The following GRIN1 variants were observed in gnomAD, a reference collection of about 807,000 sequenced individuals.
The protein encoded by GRIN1 is glutamate receptor ionotropic, NMDA 1.
In GRIN1, 38 loss-of-function variants were observed where a neutral mutation model predicts 103.0. The ratio of observed to expected loss-of-function variants is 0.37; its 90% CI spans 0.28 to 0.48. The LOEUF is 0.48. Among genes scored for constraint, GRIN1 ranks in the 20% least tolerant of loss-of-function variants. The probability of loss-of-function intolerance (pLI) is 0.98; values close to 1 mark genes in which losing one functional copy is unlikely to be tolerated. For missense variants in GRIN1, 577 were observed against 1,288.9 expected (o/e 0.45, Z 8.46); for synonymous variants, 544 against 532.7 (o/e 1.02, Z -0.29).
Position 137,161,460 on chromosome 9 carries a change from G to A in GRIN1, c.1467+44G>A, listed in dbSNP as rs763814484. On this transcript the variant is annotated intron_variant, in intron 10 of 19. Coordinates refer to ENST00000371561, the MANE Select transcript of GRIN1 (RefSeq NM_007327.4). The stretch of plus-strand genomic sequence containing the variant: ...GTGGGGACCAGCGTGAGAGGGGCCT[G>A]CAGGCGCGGTCGGAGTGGGTGGGGC... The A allele has an allele frequency of 1.9e-6, 3 of 1,588,010 alleles. No homozygotes were observed. The East Asian group carries it at 6.8e-5, about 36-fold the overall frequency.
At position 137,162,503 on chromosome 9, in the gene GRIN1, C is replaced by T. The variant is rs555866770; in HGVS notation, c.1851C>T (p.Ser617=). 2 of 1,611,822 alleles carry T rather than the reference C, an allele frequency of 1.2e-6. No individual in the cohort carries two copies. Among genetic ancestry groups the T allele is most frequent in the South Asian group, 1.1e-5 (1 of 91,058 alleles). ...MWFSWGVLLN[S]GIGEGAPRSF... is the part of the protein sequence containing the mutation. ...TCTCCTGGGGCGTCCTGCTCAACTC[C>T]GGCATCGGGGAAGGTAAGGCCCCGC... Residue 617 remains serine, a synonymous_variant, in exon 13 of 20, where the codon TCC becomes TCT. Transcript: ENST00000371561.
At chr9:137,147,536 T>C (rs1238685345) in intron 3 of GRIN1, among the ~76,000 whole-genome samples, 2 of 152,134 alleles carry the variant, frequency 1.3e-5, no homozygotes, top group African/African-American at 4.8e-5. Context: ...TCAGACCATC[T>C]GGCCCTTCCC....
intron 19 of GRIN1, among the ~76,000 whole-genome samples, chr9:137,167,082 G>C (rs1391332200): frequency 3.3e-5 from 5 of 152,314 alleles, no homozygotes; most frequent in South Asian, 4.1e-4. Context: ...CTGGGCACCA[G>C]GGACCGTCCT....
chr9:137,162,422 G>A lies in GRIN1; in HGVS notation c.1770G>A (p.Lys590=), dbSNP rs759388177. 1.2e-6 allele frequency: 2 copies of A among 1,607,866 alleles called. No individual in the cohort carries two copies. Among genetic ancestry groups the A allele is most frequent in the Non-Finnish European group, 1.7e-6 (2 of 1,179,702 alleles). ...CCCGCAGCCCCTTCGGCCGGTTCAA[G>A]GTGAACAGCGAGGAGGAGGAGGAGG... The part of the protein sequence containing the change: ...LDRFSPFGRF[K]VNSEEEEEDA... Residue 590 remains lysine (K), a synonymous_variant, in exon 13 of 20, where the codon AAG becomes AAA. Coordinates refer to ENST00000371561, the MANE Select transcript of GRIN1 (RefSeq NM_007327.4).
intron 19 of GRIN1, among the ~76,000 whole-genome samples, chr9:137,166,482 C>T (rs552151123): frequency 6.6e-6 from 1 of 152,362 alleles, no homozygotes; most frequent in East Asian, 1.9e-4. Context: ...GAAGCTTACG[C>T]CCGGGGGAGG....
intron 4 of GRIN1, among the ~76,000 whole-genome samples, chr9:137,154,110 C>CT (rs869310108): frequency 3.4e-4 from 49 of 143,898 alleles, no homozygotes; most frequent in Admixed American, 6.3e-4. Context: ...CCGTGCCTGC[C>CT]TTTTTTTTTT....
rs1564361776 is a variant in GRIN1 at position 137,161,213 on chromosome 9, A to G, written c.1339+16A>G. On this transcript the variant is annotated intron_variant, in intron 9 of 19. Transcript: ENST00000371561. ...CCGGGCAGCCGTGAGTGCGCGGGGC[A>G]GGGCGCGGGGCGCGGGGCAGGGCGC... 1 of 1,605,940 alleles carries G rather than the reference A, an allele frequency of 6.2e-7. No individual in the cohort carries two copies. Among genetic ancestry groups the G allele is most frequent in the Non-Finnish European group, 8.5e-7 (1 of 1,176,522 alleles).
chr9:137,160,160 G>C (rs546388756), intron 8 of GRIN1, among the ~76,000 whole-genome samples: 26 of 152,344 alleles, frequency 1.7e-4, no homozygotes, highest in African/African-American at 5.5e-4. Context: ...ACGTACACAC[G>C]GGCAAGAGAA....
chr9:137,147,454 G>A (rs956574006), intron 3 of GRIN1, among the ~76,000 whole-genome samples: 7 of 150,492 alleles, frequency 4.7e-5, no homozygotes, highest in South Asian at 4.2e-4. Context: ...ACATGCACAC[G>A]CACACACATG....
intron 10 of GRIN1, among the ~76,000 whole-genome samples, chr9:137,161,669 GGCAGGGCCTGCAGGCGGGGGTCTGGA>G (rs1833555080): frequency 6.7e-6 from 1 of 150,186 alleles, no homozygotes; most frequent in African/African-American, 2.5e-5. Flanking sequence ...GCACGGAGTG[GGCAGGGCCTGCAGGCGGGGGTCTGGA>G]GTGGGCGGGA....
At position 137,148,993 on chromosome 9, in the gene GRIN1, C is replaced by G; in HGVS notation, c.571-16C>G. 1 of 1,590,574 alleles carries G rather than the reference C, an allele frequency of 6.3e-7. No homozygotes were observed. Among genetic ancestry groups the G allele is most frequent in the African/African-American group, 1.3e-5 (1 of 74,588 alleles). ...CCTGCCCCAGCCGCCTGCTAACACT[C>G]TTGCTCACACCGCAGGCAGAGAAGG... On this transcript the variant is annotated splice_polypyrimidine_tract_variant and intron_variant, in intron 3 of 19. Coordinates refer to ENST00000371561, the MANE Select transcript of GRIN1 (RefSeq NM_007327.4).
chr9:137,147,103 T>C (rs796917757), intron 3 of GRIN1, among the ~76,000 whole-genome samples: 34 of 97,716 alleles, frequency 3.5e-4, no homozygotes, highest in African/African-American at 1.3e-3. Context: ...CCTTCTGGCA[T>C]GTCCACCCAC....
rs144687877 is a variant in GRIN1 at position 137,145,845 on chromosome 9, C to T, written c.513C>T (p.His171=). 1.9e-5 allele frequency: 30 copies of T among 1,611,736 alleles called. No homozygotes were observed. The African/African-American group carries it at 2.4e-4, about 13-fold the overall frequency. Residue 171 remains histidine (H), a synonymous_variant, in exon 3 of 20, where the codon CAC becomes CAT. Coordinates refer to ENST00000371561, the MANE Select transcript of GRIN1 (RefSeq NM_007327.4). The part of the protein sequence containing the change: ...NHIILLVSDD[H]EGRAAQKRLE... Reference sequence around the variant, plus strand: ...TCATCCTGCTGGTCAGCGACGACCACGAGGGCCGGGCGGCTCAGAAACGCC... The same window carrying T: ...TCATCCTGCTGGTCAGCGACGACCATGAGGGCCGGGCGGCTCAGAAACGCC...
intron 4 of GRIN1, among the ~76,000 whole-genome samples, chr9:137,156,335 C>A (rs1833215740): frequency 6.6e-6 from 1 of 151,998 alleles, no homozygotes; most frequent in African/African-American, 2.4e-5. Context: ...AGGTATCTAA[C>A]CCCATCCCTG....
In GRIN1 at chr9:137,139,928, C is replaced by G. The variant is rs183055996; in HGVS notation, c.258+184C>G. 5.3e-5 allele frequency among the ~76,000 whole-genome samples: 8 copies of G among 152,344 alleles called. No individual in the cohort carries two copies. The highest frequency in any genetic ancestry group is 1.0e-4 in the Non-Finnish European group (7 of 68,040). ...CAAACACCAGGGTCTGCTGGCTCCC[C>G]TATCTTGGCCTGAGACCAGTCACCT... On this transcript the variant is annotated intron_variant, in intron 1 of 19. Transcript: ENST00000371561. This position sits in a 1 kb window ranked among gnomAD's most constrained non-coding sequence, Gnocchi z 7.7.
rs1833971630 is a variant in GRIN1, at chr9:137,168,028, C to T, written c.*501C>T. 4.6e-6 allele frequency: 3 copies of T among 658,398 alleles called. No individual in the cohort carries two copies. Among genetic ancestry groups the T allele is most frequent in the Non-Finnish European group, 8.1e-6 (3 of 368,260 alleles). 40.8% of individuals were successfully genotyped at this position (658,398 alleles called of 1,614,324 possible). On this transcript the variant is annotated 3_prime_UTR_variant, in exon 20 of 20. Coordinates refer to ENST00000371561, the MANE Select transcript of GRIN1 (RefSeq NM_007327.4). ...TGCTGGACCAAGGTGCGGACCGGAGCGGCTGAGGACGGGGCAGAGCTGAGT... is the reference window on the plus strand; with the variant it reads ...TGCTGGACCAAGGTGCGGACCGGAGTGGCTGAGGACGGGGCAGAGCTGAGT...
chr9:137,161,837 T>A, intron 10 of GRIN1, 87 bp from the exon 11 acceptor site: 1 of 1,349,248 alleles, frequency 7.4e-7, no homozygotes, highest in Non-Finnish European at 1.0e-6. Flanking sequence ...ACCCCCGGAG[T>A]GCTCTAGGGC....
At chr9:137,148,261 G>A (rs1203736278) in intron 3 of GRIN1, 1 of 1,275,596 alleles carries the variant, frequency 7.8e-7, no homozygotes, top group African/African-American at 1.5e-5. Context: ...GGGAGCCCTG[G>A]CCTCGGCGCC....
At chr9:137,144,593 T>G (rs995561304) in intron 2 of GRIN1, among the ~76,000 whole-genome samples, 11 of 149,462 alleles carry the variant, frequency 7.4e-5, no homozygotes, top group South Asian at 2.1e-4. Flanking sequence ...AGGCGGAGCC[T>G]GCAGTGAGCC....
Sources: allele counts gnomAD v4.1 joint callset (sites outside exome capture counted in the v4.1 genomes callset), GRCh38; gene constraint gnomAD v4.1.1; non-coding constraint Gnocchi (gnomAD v3.1); transcripts MANE v1.5; gene names NCBI Gene and HGNC (gene_info 2026-07-23, HGNC 2026-07-21).